Variants in TMF1 observed in about 807,000 individuals in gnomAD.
The protein encoded by TMF1 is TATA element modulatory factor 1.
In TMF1, 71 loss-of-function variants were observed where a neutral mutation model predicts 126.5. That is an observed-to-expected ratio of 0.56 (90% CI 0.46 to 0.68). The LOEUF (loss-of-function observed/expected upper bound fraction) is 0.68, where lower values mean the gene tolerates loss of function less well. Ranked by LOEUF, TMF1 falls within the 30% of genes least tolerant of loss-of-function variation. The pLI, the probability that TMF1 is intolerant of heterozygous loss-of-function variation, is 0.00. For missense variants in TMF1, 1,259 were observed against 1,253.2 expected (o/e 1.00, Z -0.07); for synonymous variants, 461 against 430.5 (o/e 1.07, Z -0.88).
At chr3:69,023,681 C>G (rs2091751551) in intron 16 of TMF1, among the ~76,000 whole-genome samples, 1 of 152,024 alleles carries the variant, frequency 6.6e-6, no homozygotes, top group Non-Finnish European at 1.5e-5. Context: ...CAGGAAAGAT[C>G]AAAAGAAAAC....
Position 69,051,930 on chromosome 3 carries a change from T to C in TMF1, c.142+15A>G, listed in dbSNP as rs1429447902. ...AGCCTCCGGGAGCCAGGAACCCCGCTCCTCTCTCTCTTACCCGGCTCTCCA... is the reference window on the plus strand; with the variant it reads ...AGCCTCCGGGAGCCAGGAACCCCGCCCCTCTCTCTCTTACCCGGCTCTCCA... On this transcript the variant is annotated intron_variant, in intron 1 of 16. Coordinates refer to ENST00000398559, the MANE Select transcript of TMF1 (RefSeq NM_007114.3). 1 of 1,610,628 alleles carries C rather than the reference T, an allele frequency of 6.2e-7. No individual in the cohort carries two copies. The highest frequency in any genetic ancestry group is 8.5e-7 in the Non-Finnish European group (1 of 1,178,390).
chr3:69,032,613 CTTT>C (rs11447014), intron 10 of TMF1, among the ~76,000 whole-genome samples: 1 of 143,786 alleles, frequency 7.0e-6, no homozygotes, highest in Non-Finnish European at 1.5e-5. Context: ...AATATGGAAT[CTTT>C]TTTTTTTTTT....
rs746127092 is a variant in TMF1 at position 69,030,023 on chromosome 3, A to G, written c.2402-16T>C. The G allele has an allele frequency of 2.2e-5, 34 of 1,578,806 alleles. No homozygotes were observed. Among genetic ancestry groups the G allele is most frequent in the Non-Finnish European group, 2.7e-5 (32 of 1,164,760 alleles). On this transcript the variant is annotated splice_polypyrimidine_tract_variant and intron_variant, in intron 10 of 16. Transcript: ENST00000398559. Reference sequence around the variant, plus strand: ...TGGGATTCACCTGATTACAGGACAGAAAAAAAAATCACATACACATACAGC... The same window carrying G: ...TGGGATTCACCTGATTACAGGACAGGAAAAAAAATCACATACACATACAGC...
chr3:69,048,439 A>G lies in TMF1; in HGVS notation c.266T>C (p.Val89Ala), dbSNP rs776622988. The change falls in exon 2 of 17, where the codon GTG (valine) becomes GCG (alanine). Residue 89 changes from valine to alanine, a missense_variant. Coordinates refer to ENST00000398559, the MANE Select transcript of TMF1 (RefSeq NM_007114.3). Reference sequence around the variant, plus strand: ...GAAGAAATTTTCAGATTCATCGACCACAGTCCTCCGAACTGGCTTTGTGAT... The same window carrying G: ...GAAGAAATTTTCAGATTCATCGACCGCAGTCCTCCGAACTGGCTTTGTGAT... ...KAITKPVRRT[V>A]VDESENFFSA... 9 of 1,614,062 alleles carry G rather than the reference A, an allele frequency of 5.6e-6. No homozygotes were observed. The highest frequency in any genetic ancestry group is 7.6e-6 in the Non-Finnish European group (9 of 1,180,038).
At chr3:69,037,844 A>G (rs1450265475) in intron 8 of TMF1, among the ~76,000 whole-genome samples, 1 of 152,008 alleles carries the variant, frequency 6.6e-6, no homozygotes, top group Non-Finnish European at 1.5e-5. Context: ...GCAAATCAAC[A>G]CCATACTCAG....
Position 69,048,516 on chromosome 3 carries a change from C to A in TMF1, c.189G>T (p.Gly63=), listed in dbSNP as rs769213445. 1.9e-6 allele frequency: 3 copies of A among 1,613,300 alleles called. No homozygotes were observed. Among genetic ancestry groups the A allele is most frequent in the South Asian group, 2.2e-5 (2 of 90,998 alleles). ...VSGGWDTSTW[G]LKSNTEPQSP... ...TCTGAGGTTCAGTGTTTGATTTCAACCCCCAGGTTGAAGTATCCCATCCTC... is the reference window on the plus strand; with the variant it reads ...TCTGAGGTTCAGTGTTTGATTTCAAACCCCAGGTTGAAGTATCCCATCCTC... Residue 63 remains glycine (G), a synonymous_variant, in exon 2 of 17, where the codon GGG becomes GGT. Transcript: ENST00000398559.
intron 1 of TMF1, 120 bp from the exon 2 acceptor site, chr3:69,048,682 T>C: frequency 1.1e-6 from 1 of 926,244 alleles, no homozygotes; most frequent in Non-Finnish European, 1.5e-6. Flanking sequence ...ATACCTGTAA[T>C]TTGCACCTGC....
At chr3:69,031,167 A>C (rs2091800021) in intron 10 of TMF1, among the ~76,000 whole-genome samples, 1 of 152,212 alleles carries the variant, frequency 6.6e-6, no homozygotes, top group Non-Finnish European at 1.5e-5. Context: ...GTATAATTTT[A>C]TTTATGTAAC....
At chr3:69,051,169 T>C (rs1466982765) in intron 1 of TMF1, among the ~76,000 whole-genome samples, 1 of 152,128 alleles carries the variant, frequency 6.6e-6, no homozygotes, top group African/African-American at 2.4e-5. Context: ...CTCTGGGAGT[T>C]GTTCTGAAGA....
At chr3:69,049,678 C>T (rs1166806699) in intron 1 of TMF1, among the ~76,000 whole-genome samples, 1 of 152,018 alleles carries the variant, frequency 6.6e-6, no homozygotes, top group Non-Finnish European at 1.5e-5. Flanking sequence ...TAAAAAAGCG[C>T]TACAAAGAAA....
chr3:69,037,320 C>A (rs1290948715), intron 8 of TMF1, among the ~76,000 whole-genome samples: 1 of 151,990 alleles, frequency 6.6e-6, no homozygotes, highest in African/African-American at 2.4e-5. Context: ...CGCTGAAACC[C>A]CATGTCTACT....
chr3:69,048,447 C>G lies in TMF1; in HGVS notation c.258G>C (p.Arg86=), dbSNP rs549198603. 2.5e-6 allele frequency: 4 copies of G among 1,614,154 alleles called. No individual in the cohort carries two copies. Among genetic ancestry groups the G allele is most frequent in the Non-Finnish European group, 3.4e-6 (4 of 1,180,034 alleles). The change falls in exon 2 of 17, where the codon CGG becomes CGC. Residue 86 remains arginine, a synonymous_variant. Transcript: ENST00000398559. Reference sequence around the variant, plus strand: ...TTTCAGATTCATCGACCACAGTCCTCCGAACTGGCTTTGTGATTGCTTTAG... The same window carrying G: ...TTTCAGATTCATCGACCACAGTCCTGCGAACTGGCTTTGTGATTGCTTTAG... The part of the protein sequence containing the change: ...ASPKAITKPV[R]RTVVDESENF...
In TMF1 at chr3:69,027,965, C is replaced by A; in HGVS notation, c.2692G>T (p.Glu898Ter). Residue 898 changes from glutamate to a stop codon, truncating the protein, a stop_gained, in exon 13 of 17, where the codon GAA becomes TAA. Coordinates refer to ENST00000398559, the MANE Select transcript of TMF1 (RefSeq NM_007114.3). LOFTEE classifies it high-confidence loss of function. ...KTLLNSQLEMERMKVEQERKK... is the reference protein window; with the variant it reads ...KTLLNSQLEM ...CTTTCTTGTTCAACTTTCATTCTTT[C>A]CATTTCTAACTGACTATTCAACAAT... The A allele has an allele frequency of 6.3e-7, 1 of 1,579,354 alleles. No homozygotes were observed. The highest frequency in any genetic ancestry group is 8.7e-7 in the Non-Finnish European group (1 of 1,150,856).
Position 69,021,310 on chromosome 3 carries a change from C to T in TMF1, c.*1867G>A, listed in dbSNP as rs1367113210. On this transcript the variant is annotated 3_prime_UTR_variant, in exon 17 of 17. Coordinates refer to ENST00000398559, the MANE Select transcript of TMF1 (RefSeq NM_007114.3). ...CAGACGTTCACTGGGGGTCTTGGAA[C>T]GTATGTCCCATGGGTAAGAGGGAAC... is the stretch of plus-strand genomic sequence containing the variant. 1.3e-5 allele frequency: 2 copies of T among 152,550 alleles called. No individual in the cohort carries two copies. Among genetic ancestry groups the T allele is most frequent in the African/African-American group, 4.8e-5 (2 of 41,400 alleles). 9.4% of individuals were successfully genotyped at this position (152,550 alleles called of 1,614,324 possible). A position where few individuals can be genotyped will look rare whatever the true frequency, so the allele number is the denominator to read the frequency against.
chr3:69,046,147 G>T (rs2107469065), intron 2 of TMF1, among the ~76,000 whole-genome samples: 1 of 152,200 alleles, frequency 6.6e-6, no homozygotes, highest in African/African-American at 2.4e-5. Flanking sequence ...AGTAATTTTA[G>T]AAAACCCATA....
intron 2 of TMF1, among the ~76,000 whole-genome samples, chr3:69,046,939 T>A (rs1218670823): frequency 6.6e-6 from 1 of 152,182 alleles, no homozygotes; most frequent in East Asian, 1.9e-4. Flanking sequence ...AATGTAAACA[T>A]GTAAAAACAA....
chr3:69,020,288 G>GA lies in TMF1; in HGVS notation c.*2888dup, dbSNP rs1234951328. The GA allele has an allele frequency of 6.6e-6, 1 of 152,030 alleles. No individual in the cohort carries two copies. The highest frequency in any genetic ancestry group is 1.9e-4 in the East Asian group (1 of 5,194). 9.4% of individuals were successfully genotyped at this position (152,030 alleles called of 1,614,324 possible). The stretch of plus-strand genomic sequence containing the variant: ...TTAGAATATCTTAAGTCACAACATA[G>GA]ATATATTTGGTACATTCCACATGCT... On this transcript the variant is annotated 3_prime_UTR_variant, in exon 17 of 17. Transcript: ENST00000398559.
In TMF1 at chr3:69,023,131, T is replaced by C. The variant is rs563662909; in HGVS notation, c.*46A>G. ...TGGAAGTCCACATTAAATGTTTAGA[T>C]ATTAAATGCTTACATTCAGTTTGAT... On this transcript the variant is annotated 3_prime_UTR_variant, in exon 17 of 17. Transcript: ENST00000398559. The C allele has an allele frequency of 3.9e-6, 6 of 1,524,646 alleles. 1 individual carries two copies. In the South Asian group the frequency reaches 7.0e-5, roughly 18 times the overall value. 94.4% of individuals were successfully genotyped at this position (1,524,646 alleles called of 1,614,324 possible). A position where few individuals can be genotyped will look rare whatever the true frequency, so the allele number is the denominator to read the frequency against.
At chr3:69,033,273 CAAA>C (rs34778745) in intron 10 of TMF1, among the ~76,000 whole-genome samples, 11 of 85,604 alleles carry the variant, frequency 1.3e-4, no homozygotes, top group Admixed American at 2.6e-4. Context: ...GACTCCATCT[CAAA>C]AAAAAAAAAA....
Sources: gnomAD v4.1 joint callset for allele counts (sites outside exome capture counted in the v4.1 genomes callset) on GRCh38, gnomAD v4.1.1 for gene constraint, MANE v1.5 for transcripts, NCBI Gene and HGNC (gene_info 2026-07-23, HGNC 2026-07-21) for gene names.